DPP10: variants seen among roughly 807,000 people sequenced by gnomAD.
DPP10 encodes the protein inactive dipeptidyl peptidase 10.
In DPP10, 33 loss-of-function variants were observed where a neutral mutation model predicts 120.9. The ratio of observed to expected loss-of-function variants is 0.27; its 90% CI spans 0.21 to 0.37. DPP10 has a LOEUF of 0.37. DPP10 is among the 10% of genes least tolerant of loss of function. The pLI is 1.00. For synonymous variants in DPP10, 337 were observed against 326.1 expected (o/e 1.03, Z -0.36); for missense variants, 816 against 942.8 (o/e 0.87, Z 1.76).
At chr2:114,965,636 A>G (rs1464130600) in intron 1 of DPP10, among the ~76,000 whole-genome samples, 3 of 151,566 alleles carry the variant, frequency 2.0e-5, no homozygotes, top group African/African-American at 7.3e-5. Flanking sequence ...TGGACAGAGT[A>G]GAGATCTACA....
At chr2:114,515,428 C>A (rs1195392289) in intron 1 of DPP10, among the ~76,000 whole-genome samples, 1 of 152,176 alleles carries the variant, frequency 6.6e-6, no homozygotes, top group East Asian at 1.9e-4. Flanking sequence ...AGACATGAAG[C>A]TTACTGAAGA....
At chr2:115,153,578 G>T (rs978611317) in intron 1 of DPP10, among the ~76,000 whole-genome samples, 15 of 152,242 alleles carry the variant, frequency 9.9e-5, no homozygotes, top group African/African-American at 3.6e-4. Context: ...TGGTGTAAAT[G>T]TTGTACATTT....
intron 1 of DPP10, among the ~76,000 whole-genome samples, chr2:114,994,636 T>C (rs1474914137): frequency 2.0e-5 from 3 of 152,220 alleles, no homozygotes; most frequent in African/African-American, 7.2e-5. Context: ...CTGACACCTA[T>C]ACTTGACATA....
At chr2:115,377,442 C>T (rs1035968282) in intron 3 of DPP10, among the ~76,000 whole-genome samples, 1 of 152,092 alleles carries the variant, frequency 6.6e-6, no homozygotes, top group Non-Finnish European at 1.5e-5. Context: ...ATTGTACATT[C>T]TGGATATTAA....
At chr2:115,821,911 T>A (rs1219849044) in intron 21 of DPP10, among the ~76,000 whole-genome samples, 1 of 152,032 alleles carries the variant, frequency 6.6e-6, no homozygotes, top group African/African-American at 2.4e-5. Context: ...TTAAGTCACA[T>A]AGTAATTCCA....
intron 1 of DPP10, chr2:114,828,603 T>C (rs1686775092): frequency 6.6e-6 from 1 of 152,212 alleles, no homozygotes; most frequent in South Asian, 2.1e-4. Flanking sequence ...CAAGGAAAAT[T>C]TGTGCAATAA....
chr2:115,116,734 C>T (rs1213953047), intron 1 of DPP10, among the ~76,000 whole-genome samples: 2 of 152,136 alleles, frequency 1.3e-5, no homozygotes, highest in Non-Finnish European at 2.9e-5. Context: ...GTAAAGCACG[C>T]ATTTCCTAAC....
chr2:115,607,647 T>G (rs2083787096), intron 5 of DPP10, among the ~76,000 whole-genome samples: 1 of 152,222 alleles, frequency 6.6e-6, no homozygotes, highest in Non-Finnish European at 1.5e-5. Context: ...ACTTATTTAA[T>G]GTGAATCTGT....
Position 115,814,975 on chromosome 2 carries a change from T to A in DPP10, c.1883T>A (p.Ile628Lys), listed in dbSNP as rs1186362380. The change falls in exon 20 of 26, where the codon ATA becomes AAA. Residue 628 changes from isoleucine to lysine, a missense_variant. Ile to Lys is a moderately radical substitution (Grantham distance 102, BLOSUM62 -3). Around this residue, in one of 3 missense-constraint regions of DPP10, gnomAD observed 592 missense variants for 649.0 expected, o/e 0.91. Coordinates refer to ENST00000410059, the MANE Select transcript of DPP10 (RefSeq NM_020868.6). ...GGTTCAGTAGAAGTAAAGGACCAAA[T>A]AACAGCTGTGAAGTAAGTGGATGCA... ...RLGSVEVKDQ[I>K]TAVKFLLKLP... The A allele has an allele frequency of 6.2e-7, 1 of 1,603,954 alleles. No individual in the cohort carries two copies. The highest frequency in any genetic ancestry group is 8.5e-7 in the Non-Finnish European group (1 of 1,172,214).
chr2:114,933,080 CT>C (rs201828616), intron 1 of DPP10, among the ~76,000 whole-genome samples: 3 of 152,094 alleles, frequency 2.0e-5, no homozygotes, highest in Admixed American at 6.5e-5. Context: ...TATTCATCCT[CT>C]TTTTTTAAAA....
At chr2:115,441,288 T>G (rs2072023040) in intron 3 of DPP10, among the ~76,000 whole-genome samples, 1 of 152,082 alleles carries the variant, frequency 6.6e-6, no homozygotes, top group South Asian at 2.1e-4. Flanking sequence ...GAATCCCGAG[T>G]TGGGATTAAC....
chr2:114,950,422 G>A (rs1697694662), intron 1 of DPP10, among the ~76,000 whole-genome samples: 1 of 150,966 alleles, frequency 6.6e-6, no homozygotes. Flanking sequence ...AGCCTCCTGA[G>A]TAGCTGGGAC....
At chr2:114,527,962 C>T (rs1276808821) in intron 1 of DPP10, among the ~76,000 whole-genome samples, 1 of 152,096 alleles carries the variant, frequency 6.6e-6, no homozygotes, top group Non-Finnish European at 1.5e-5. Context: ...TGATTTTGTC[C>T]AAAACGTCTT....
intron 1 of DPP10, among the ~76,000 whole-genome samples, chr2:114,989,450 T>C (rs1290179589): frequency 6.6e-6 from 1 of 152,164 alleles, no homozygotes; most frequent in African/African-American, 2.4e-5. Context: ...AAGTGATCGT[T>C]GCTTAAGTCT....
In DPP10 at chr2:115,177,672, C is replaced by T. The variant is rs182606379; in HGVS notation, c.61-131567C>T. Among the ~76,000 whole-genome samples, 16 of 152,306 alleles carry T rather than the reference C, an allele frequency of 1.1e-4. No individual in the cohort carries two copies. In the East Asian group the frequency reaches 2.5e-3, roughly 24 times the overall value. On this transcript the variant is annotated intron_variant, in intron 1 of 25. Transcript: ENST00000410059. Reference sequence around the variant, plus strand: ...GTTTGTAGTTTCAAGCTAGTCTAGACACATTCTTTACCTCTCCTTTTATAA... The same window carrying T: ...GTTTGTAGTTTCAAGCTAGTCTAGATACATTCTTTACCTCTCCTTTTATAA...
chr2:114,946,459 A>C (rs1469317240), intron 1 of DPP10, among the ~76,000 whole-genome samples: 1 of 152,202 alleles, frequency 6.6e-6, no homozygotes, highest in Non-Finnish European at 1.5e-5. Flanking sequence ...ACAAATAGTT[A>C]AGATGGTAAA....
rs561563815 is a variant in DPP10, at chr2:114,662,224, A to AG, written c.60+219392dup. On this transcript the variant is annotated intron_variant, in intron 1 of 25. Transcript: ENST00000410059. ...GAGGCGGAGGTCGCACAGTGTCCTG[A>AG]GGGGGGAGACTGGAAAAGCAGACAC... Among the ~76,000 whole-genome samples the AG allele has an allele frequency of 2.9e-3, 448 of 152,248 alleles. 9 individuals are homozygous for AG. The highest frequency in any genetic ancestry group is 0.028 in the Admixed American group (421 of 15,304).
chr2:115,237,785 T>C (rs946383165), intron 1 of DPP10, among the ~76,000 whole-genome samples: 10 of 152,200 alleles, frequency 6.6e-5, no homozygotes, highest in African/African-American at 2.4e-4. Flanking sequence ...CAAAGCCTAA[T>C]TCCAGAGCAA....
chr2:114,500,502 T>C (rs1269269151), intron 1 of DPP10, among the ~76,000 whole-genome samples: 1 of 152,196 alleles, frequency 6.6e-6, no homozygotes, highest in East Asian at 1.9e-4. Context: ...TTAGATCAGA[T>C]TAGCCCCAGT....
Sources: allele counts gnomAD v4.1 joint callset (sites outside exome capture counted in the v4.1 genomes callset), GRCh38; gene constraint gnomAD v4.1.1; regional missense constraint gnomAD v4.1.1; transcripts MANE v1.5; gene names NCBI Gene and HGNC (gene_info 2026-07-23, HGNC 2026-07-21).